HERPUD2: variants seen among roughly 807,000 people sequenced by gnomAD.
The protein encoded by HERPUD2 is homocysteine-responsive endoplasmic reticulum-resident ubiquitin-like domain member 2 protein.
A neutral mutation model predicts 49.9 loss-of-function variants in HERPUD2; 13 were observed. That is an observed-to-expected ratio of 0.26 (90% confidence interval 0.17 to 0.41). The LOEUF (loss-of-function observed/expected upper bound fraction) is 0.41, where lower values mean the gene tolerates loss of function less well. Ranked by LOEUF, HERPUD2 falls within the 10% of genes least tolerant of loss-of-function variation. The pLI, the probability that HERPUD2 is intolerant of heterozygous loss-of-function variation, is 1.00. For missense variants in HERPUD2, 449 were observed against 492.2 expected, an observed-to-expected ratio of 0.91 and a Z score of 0.83; for synonymous variants, 172 against 171.4, an observed-to-expected ratio of 1.00 and a Z score of -0.03.
At chr7:35,686,619 T>C (rs1324197277) in intron 2 of HERPUD2, among the ~76,000 whole-genome samples, 1 of 122,588 alleles carries the variant, frequency 8.2e-6, no homozygotes, top group African/African-American at 3.1e-5. Flanking sequence ...CTTGGGAGGC[T>C]GAGGCAGGAG....
At chr7:35,681,390 G>GA (rs1392460291) in intron 2 of HERPUD2, among the ~76,000 whole-genome samples, 1 of 151,994 alleles carries the variant, frequency 6.6e-6, no homozygotes. Context: ...CAGCCACTGT[G>GA]AAAAAAAGTC....
chr7:35,662,675 G>C (rs1785449951), intron 5 of HERPUD2, among the ~76,000 whole-genome samples: 1 of 152,078 alleles, frequency 6.6e-6, no homozygotes, highest in African/African-American at 2.4e-5. Context: ...GGTGTTTATA[G>C]TACTCTCTGA....
intron 5 of HERPUD2, among the ~76,000 whole-genome samples, chr7:35,648,089 G>A (rs1785088519): frequency 6.6e-6 from 1 of 151,996 alleles, no homozygotes; most frequent in Non-Finnish European, 1.5e-5. Context: ...CAAGTAAAGA[G>A]ACTCAGGATC....
chr7:35,676,056 T>C (rs1785752469), intron 2 of HERPUD2, among the ~76,000 whole-genome samples: 2 of 152,230 alleles, frequency 1.3e-5, no homozygotes, highest in Admixed American at 1.3e-4. Context: ...TAATATGTAA[T>C]ATCCAATGCA....
chr7:35,668,180 G>A (rs1785576328), intron 4 of HERPUD2, among the ~76,000 whole-genome samples: 1 of 152,090 alleles, frequency 6.6e-6, no homozygotes, highest in Non-Finnish European at 1.5e-5. Context: ...CTTTCCTACA[G>A]AAAATGAGAT....
chr7:35,657,236 A>C (rs1424472623), intron 5 of HERPUD2, among the ~76,000 whole-genome samples: 1 of 152,190 alleles, frequency 6.6e-6, no homozygotes. Context: ...AAGACATACA[A>C]TGGCAAACAG....
chr7:35,694,175 C>A lies in HERPUD2; in HGVS notation c.147+9G>T. On this transcript the variant is annotated intron_variant, in intron 2 of 8. Coordinates refer to ENST00000311350, the MANE Select transcript of HERPUD2 (RefSeq NM_022373.5). ...TCAGAGCAGCTGCCCCCAGCTTTTA[C>A]ACACTTACTGGTTTGCTAGGGTAAA... 6.2e-7 allele frequency: 1 copy of A among 1,614,076 alleles called. No individual in the cohort carries two copies. Among genetic ancestry groups the A allele is most frequent in the Non-Finnish European group, 8.5e-7 (1 of 1,179,970 alleles).
chr7:35,638,600 C>T (rs925897108), intron 5 of HERPUD2, 128 bp from the exon 6 acceptor site: 2 of 966,286 alleles, frequency 2.1e-6, no homozygotes, highest in African/African-American at 1.6e-5. Flanking sequence ...AAGAAAAATA[C>T]TTACTTTCAA....
intron 2 of HERPUD2, among the ~76,000 whole-genome samples, chr7:35,683,393 C>T (rs1208778346): frequency 6.6e-6 from 1 of 152,154 alleles, no homozygotes; most frequent in East Asian, 1.9e-4. Flanking sequence ...ACTGGATCCT[C>T]ATATTTCACC....
At chr7:35,672,285 A>C (rs190777782) in intron 3 of HERPUD2, among the ~76,000 whole-genome samples, 131 of 151,822 alleles carry the variant, frequency 8.6e-4, no homozygotes, top group Middle Eastern at 3.4e-3. Flanking sequence ...AAAAAAGAGG[A>C]AAGAAAGAAA....
intron 2 of HERPUD2, among the ~76,000 whole-genome samples, chr7:35,687,636 A>G (rs1243537514): frequency 1.3e-5 from 2 of 152,276 alleles, no homozygotes; most frequent in Admixed American, 6.5e-5. Flanking sequence ...ACTTGCTGGT[A>G]TAACAGGTTA....
intron 6 of HERPUD2, among the ~76,000 whole-genome samples, chr7:35,637,669 C>T (rs1318776835): frequency 6.6e-6 from 1 of 152,172 alleles, no homozygotes; most frequent in African/African-American, 2.4e-5. Flanking sequence ...ACCCCAACAA[C>T]TAAATCCCAT....
intron 2 of HERPUD2, among the ~76,000 whole-genome samples, chr7:35,692,222 C>A (rs866891472): frequency 3.3e-5 from 5 of 152,212 alleles, no homozygotes; most frequent in African/African-American, 1.2e-4. Context: ...CACTAGTGAT[C>A]AGTGCTGCAC....
At chr7:35,663,526 C>T (rs1288217104) in intron 5 of HERPUD2, among the ~76,000 whole-genome samples, 17 of 152,012 alleles carry the variant, frequency 1.1e-4, no homozygotes, top group African/African-American at 1.7e-4. Context: ...ATTATTATTG[C>T]GTGGGAGTCT....
intron 2 of HERPUD2, among the ~76,000 whole-genome samples, chr7:35,685,960 C>G (rs904708534): frequency 2.8e-4 from 41 of 147,948 alleles, no homozygotes; most frequent in African/African-American, 1.0e-3. Context: ...GACCCTGTCT[C>G]TAAATAAATA....
intron 5 of HERPUD2, among the ~76,000 whole-genome samples, chr7:35,641,008 A>G (rs1219385088): frequency 2.6e-5 from 4 of 152,196 alleles, no homozygotes; most frequent in South Asian, 4.1e-4. Flanking sequence ...TCCTAACTTA[A>G]GTAACAGAAG....
At chr7:35,661,526 T>C (rs1249282487) in intron 5 of HERPUD2, among the ~76,000 whole-genome samples, 2 of 152,244 alleles carry the variant, frequency 1.3e-5, no homozygotes, top group Non-Finnish European at 2.9e-5. Context: ...TTCTTCCATT[T>C]GTTTGTGTCC....
intron 2 of HERPUD2, among the ~76,000 whole-genome samples, chr7:35,681,800 G>A (rs1312370884): frequency 1.3e-5 from 2 of 149,674 alleles, no homozygotes; most frequent in Admixed American, 6.6e-5. Flanking sequence ...ACAGAAAGTA[G>A]AAAAAAAAAG....
chr7:35,671,423 G>A (rs1447985440), intron 3 of HERPUD2, among the ~76,000 whole-genome samples: 1 of 151,986 alleles, frequency 6.6e-6, no homozygotes, highest in South Asian at 2.1e-4. Context: ...CAGAAGGTAC[G>A]CCTGGCAAAG....
Sources: allele counts gnomAD v4.1 joint callset (sites outside exome capture counted in the v4.1 genomes callset), GRCh38; gene constraint gnomAD v4.1.1; transcripts MANE v1.5; gene names NCBI Gene and HGNC (gene_info 2026-07-23, HGNC 2026-07-21).